CDH2: variants seen among roughly 807,000 people sequenced by gnomAD.
CDH2 encodes the protein cadherin 2, also known as cadherin-2.
CDH2 carries 17 observed loss-of-function variants against 92.0 expected under a neutral mutation model. That is an observed-to-expected ratio of 0.18 (90% CI 0.13 to 0.28). The LOEUF is 0.28. Among genes scored for constraint, CDH2 ranks in the 10% least tolerant of loss-of-function variants. CDH2 has a pLI of 1.00. For missense variants in CDH2, 862 were observed against 1,133.1 expected, an observed-to-expected ratio of 0.76 and a Z score of 3.44; for synonymous variants, 419 against 415.9, an observed-to-expected ratio of 1.01 and a Z score of -0.09.
In CDH2 at chr18:28,043,981, C is replaced by T. The variant is rs180830357; in HGVS notation, c.173-30072G>A. 1.6e-3 allele frequency among the ~76,000 whole-genome samples: 231 copies of T among 141,902 alleles called. 2 individuals are homozygous for T. The highest frequency in any genetic ancestry group is 5.5e-3 in the African/African-American group (217 of 39,280). The allele number at this position is 141,902 out of a possible 152,430, so 93.1% of individuals were successfully genotyped here. On this transcript the variant is annotated intron_variant, in intron 2 of 15. Transcript: ENST00000269141. ...AGGCTACAGTGCAGTGGCATGATCT[C>T]AGCTCACTGCAACCTCTGCCTCCCG...
intron 14 of CDH2, among the ~76,000 whole-genome samples, chr18:27,969,910 GA>G (rs1230512070): frequency 6.6e-6 from 1 of 152,202 alleles, no homozygotes; most frequent in Non-Finnish European, 1.5e-5. Flanking sequence ...TGAGGCAGGA[GA>G]ATCGCTAGAA....
At chr18:28,019,835 T>A (rs1320838250) in intron 2 of CDH2, among the ~76,000 whole-genome samples, 1 of 152,170 alleles carries the variant, frequency 6.6e-6, no homozygotes, top group African/African-American at 2.4e-5. Context: ...TGGAATGTGG[T>A]GTATTACACA....
downstream of CDH2, among the ~76,000 whole-genome samples, chr18:27,950,549 C>T (rs1909393759): frequency 2.0e-5 from 3 of 152,074 alleles, no homozygotes; most frequent in South Asian, 6.2e-4. Flanking sequence ...TTCCAGGTGT[C>T]CACTGCAGTT....
At chr18:27,950,808 C>T (rs1348634113), downstream of CDH2, among the ~76,000 whole-genome samples, 2 of 152,172 alleles carry the variant, frequency 1.3e-5, no homozygotes, top group East Asian at 3.8e-4. Flanking sequence ...CAAAATGATT[C>T]TCTCTGCTGC....
intron 2 of CDH2, among the ~76,000 whole-genome samples, chr18:28,085,525 T>C (rs1322542048): frequency 6.6e-6 from 1 of 152,156 alleles, no homozygotes; most frequent in Non-Finnish European, 1.5e-5. Context: ...CCTTGTATGG[T>C]TGCAACCACT....
intron 2 of CDH2, among the ~76,000 whole-genome samples, chr18:28,083,713 AT>A (rs2014874018): frequency 6.6e-6 from 1 of 152,174 alleles, no homozygotes; most frequent in Admixed American, 6.5e-5. Context: ...GGTATGATGG[AT>A]TTTAAGGTCG....
intron 5 of CDH2, among the ~76,000 whole-genome samples, chr18:28,007,108 T>C (rs1024936962): frequency 2.8e-5 from 4 of 142,948 alleles, no homozygotes; most frequent in African/African-American, 1.0e-4. Context: ...TGCGGTGAGC[T>C]GAGATCATGC....
Position 27,959,863 on chromosome 18 carries a change from A to T in CDH2, c.2514+3494T>A, listed in dbSNP as rs535925816. Among the ~76,000 whole-genome samples, 4 of 151,912 alleles carry T rather than the reference A, an allele frequency of 2.6e-5. No homozygotes were observed. In the East Asian group the frequency reaches 7.8e-4, roughly 30 times the overall value. ...CTTGTAATTATATTCGAATTCATGG[A>T]TTTAGGCCAGGTGTGGTGGCTCACA... On this transcript the variant is annotated intron_variant, in intron 15 of 15. Coordinates refer to ENST00000269141, the MANE Select transcript of CDH2 (RefSeq NM_001792.5).
At chr18:27,977,516 C>T (rs964270743) in intron 14 of CDH2, among the ~76,000 whole-genome samples, 1 of 152,074 alleles carries the variant, frequency 6.6e-6, no homozygotes, top group Non-Finnish European at 1.5e-5. Flanking sequence ...GACTACTTTG[C>T]TTTGTTTTCT....
chr18:28,086,694 T>C (rs765608156), intron 2 of CDH2, among the ~76,000 whole-genome samples: 1 of 78,890 alleles, frequency 1.3e-5, no homozygotes, highest in Non-Finnish European at 2.5e-5. Context: ...TCTAGTTGAA[T>C]GGCTTCTTGT....
At chr18:28,112,991 AG>A (rs1250918579) in intron 2 of CDH2, among the ~76,000 whole-genome samples, 1 of 152,156 alleles carries the variant, frequency 6.6e-6, no homozygotes. Context: ...TAAGAATGCC[AG>A]GGGGGTAGGT....
At chr18:28,034,943 G>A (rs1218189641) in intron 2 of CDH2, among the ~76,000 whole-genome samples, 1 of 152,052 alleles carries the variant, frequency 6.6e-6, no homozygotes, top group Admixed American at 6.6e-5. Flanking sequence ...CTTTAAAATA[G>A]TTTTTTGGAA....
At chr18:27,936,648 G>A (rs1416961140) in intron 6 of CDH2, among the ~76,000 whole-genome samples, 1 of 152,090 alleles carries the variant, frequency 6.6e-6, no homozygotes, top group Admixed American at 6.5e-5. Flanking sequence ...TCCCACCTCA[G>A]CATCCTGAGT....
chr18:28,049,769 C>T (rs1296995019), intron 2 of CDH2, among the ~76,000 whole-genome samples: 1 of 152,204 alleles, frequency 6.6e-6, no homozygotes, highest in Non-Finnish European at 1.5e-5. Flanking sequence ...TGCAATTTAA[C>T]CCGTATGCAA....
At chr18:27,959,153 A>G (rs944340972) in intron 15 of CDH2, among the ~76,000 whole-genome samples, 4 of 152,198 alleles carry the variant, frequency 2.6e-5, no homozygotes, top group Admixed American at 2.0e-4. Context: ...CTGAGATTAA[A>G]TGAATTTGTT....
chr18:28,110,787 T>C (rs2015398310), intron 2 of CDH2, among the ~76,000 whole-genome samples: 1 of 152,110 alleles, frequency 6.6e-6, no homozygotes, highest in Non-Finnish European at 1.5e-5. Flanking sequence ...TAGGCTGCAA[T>C]GGAGGCCAAA....
chr18:28,127,484 G>A (rs550259827), intron 2 of CDH2, among the ~76,000 whole-genome samples: 25 of 152,138 alleles, frequency 1.6e-4, no homozygotes, highest in Non-Finnish European at 2.6e-4. Flanking sequence ...TTTCCTTATC[G>A]TGGCGCAATG....
chr18:27,983,870 T>C (rs181656919), intron 13 of CDH2, among the ~76,000 whole-genome samples: 40 of 152,326 alleles, frequency 2.6e-4, no homozygotes, highest in African/African-American at 9.6e-4. Context: ...TGGAAACATA[T>C]CCCTAGGTGC....
At chr18:27,985,813 C>A (rs2012214267) in intron 11 of CDH2, 52 bp from the exon 12 acceptor site, 1 of 1,048,458 alleles carries the variant, frequency 9.5e-7, no homozygotes, top group South Asian at 1.5e-5. Context: ...CTCCAATGAG[C>A]CTCAATTATG....
Sources: gnomAD v4.1 joint callset for allele counts (sites outside exome capture counted in the v4.1 genomes callset) on GRCh38, gnomAD v4.1.1 for gene constraint, MANE v1.5 for transcripts, NCBI Gene and HGNC (gene_info 2026-07-23, HGNC 2026-07-21) for gene names.